EPHA3: variants seen among roughly 807,000 people sequenced by gnomAD.
EPHA3 encodes the protein EPH receptor A3.
EPHA3 carries 42 observed loss-of-function variants against 107.1 expected under a neutral mutation model. That is an observed-to-expected ratio of 0.39 (90% CI 0.31 to 0.51). The LOEUF (loss-of-function observed/expected upper bound fraction) is 0.51, where lower values mean the gene tolerates loss of function less well. Among genes scored for constraint, EPHA3 ranks in the 20% least tolerant of loss-of-function variants. EPHA3 has a pLI of 0.78. For missense variants in EPHA3, 1,183 were observed against 1,211.2 expected (o/e 0.98, Z 0.35); for synonymous variants, 461 against 424.8 (o/e 1.09, Z -1.05).
chr3:89,476,502 T>C (rs1428848298), intron 16 of EPHA3, among the ~76,000 whole-genome samples: 1 of 144,766 alleles, frequency 6.9e-6, no homozygotes, highest in Non-Finnish European at 1.5e-5. Flanking sequence ...AATTACTGCA[T>C]TGGAATATAT....
At chr3:89,311,328 G>T (rs188721370) in intron 3 of EPHA3, among the ~76,000 whole-genome samples, 243 of 152,030 alleles carry the variant, frequency 1.6e-3, no homozygotes, top group Non-Finnish European at 2.4e-3. Context: ...TTGAAGAAAT[G>T]GACTTTTTGG....
intron 1 of EPHA3, among the ~76,000 whole-genome samples, chr3:89,114,286 A>G (rs1707197324): frequency 6.6e-6 from 1 of 152,186 alleles, no homozygotes; most frequent in Non-Finnish European, 1.5e-5. Flanking sequence ...CCGTACGGGT[A>G]GAGACAGTAA....
At chr3:89,475,378 G>C (rs1046196983) in intron 16 of EPHA3, among the ~76,000 whole-genome samples, 3 of 152,084 alleles carry the variant, frequency 2.0e-5, no homozygotes, top group Non-Finnish European at 4.4e-5. Flanking sequence ...AATAGAAAAA[G>C]ATACCTTTAT....
chr3:89,388,486 G>A (rs145414597), intron 5 of EPHA3, among the ~76,000 whole-genome samples: 128 of 152,294 alleles, frequency 8.4e-4, no homozygotes, highest in Non-Finnish European at 1.4e-3. Context: ...AATTATATTA[G>A]CAAAGGATTT....
chr3:89,457,497 T>A (rs1710122560), intron 15 of EPHA3, among the ~76,000 whole-genome samples: 1 of 152,182 alleles, frequency 6.6e-6, no homozygotes, highest in African/African-American at 2.4e-5. Context: ...CATGATAATC[T>A]AATGCCTGAT....
intron 2 of EPHA3, among the ~76,000 whole-genome samples, chr3:89,205,071 G>A (rs1410427506): frequency 6.6e-6 from 1 of 152,062 alleles, no homozygotes; most frequent in Admixed American, 6.5e-5. Context: ...TTAGAAACTG[G>A]TTTTAAGTCT....
chr3:89,129,528 A>G (rs1704158213), intron 2 of EPHA3, among the ~76,000 whole-genome samples: 1 of 152,002 alleles, frequency 6.6e-6, no homozygotes, highest in Admixed American at 6.6e-5. Context: ...TATTTCCTTT[A>G]AATTTCCCAC....
At chr3:89,434,429 T>C (rs1709627695) in intron 13 of EPHA3, among the ~76,000 whole-genome samples, 2 of 152,032 alleles carry the variant, frequency 1.3e-5, no homozygotes, top group African/African-American at 4.8e-5. Flanking sequence ...TGTTGGCCAG[T>C]CTAGTCTCAA....
At chr3:89,322,715 A>T (rs1707072285) in intron 3 of EPHA3, among the ~76,000 whole-genome samples, 1 of 152,136 alleles carries the variant, frequency 6.6e-6, no homozygotes, top group Admixed American at 6.6e-5. Context: ...AGTCAAAGGT[A>T]ATCATTTCAA....
At chr3:89,218,339 G>GTTCTCTCGT (rs1401914675) in intron 3 of EPHA3, among the ~76,000 whole-genome samples, 1 of 132,608 alleles carries the variant, frequency 7.5e-6, no homozygotes, top group Non-Finnish European at 1.5e-5. Flanking sequence ...CCCTTCCTGT[G>GTTCTCTCGT]TCCATGTGTT....
At chr3:89,219,916 G>A (rs2107204002) in intron 3 of EPHA3, among the ~76,000 whole-genome samples, 1 of 149,240 alleles carries the variant, frequency 6.7e-6, no homozygotes, top group African/African-American at 2.5e-5. Context: ...CACCGTTTTA[G>A]CCGGGATGGT....
intron 5 of EPHA3, among the ~76,000 whole-genome samples, chr3:89,392,482 G>A (rs1028889668): frequency 6.7e-6 from 1 of 150,152 alleles, no homozygotes; most frequent in Non-Finnish European, 1.5e-5. Flanking sequence ...TGGCAATTGC[G>A]ATTTTAGCAT....
chr3:89,285,134 T>C (rs915803891), intron 3 of EPHA3, among the ~76,000 whole-genome samples: 2 of 151,852 alleles, frequency 1.3e-5, no homozygotes, highest in Non-Finnish European at 2.9e-5. Context: ...AATAAATAAA[T>C]ACAATAAAAA....
At chr3:89,269,681 G>A (rs1705620427) in intron 3 of EPHA3, among the ~76,000 whole-genome samples, 1 of 149,880 alleles carries the variant, frequency 6.7e-6, no homozygotes, top group Non-Finnish European at 1.5e-5. Context: ...GTATACATGT[G>A]CCATGCTGGT....
intron 16 of EPHA3, 56 bp from the exon 17 acceptor site, chr3:89,479,341 T>G: frequency 1.4e-6 from 2 of 1,393,304 alleles, no homozygotes; most frequent in Non-Finnish European, 2.0e-6. Context: ...ATTGAAAATC[T>G]CCTGCTTATA....
chr3:89,342,629 G>T (rs1442923900), intron 5 of EPHA3, among the ~76,000 whole-genome samples: 1 of 151,780 alleles, frequency 6.6e-6, no homozygotes, highest in Non-Finnish European at 1.5e-5. Flanking sequence ...ACATATAAAT[G>T]GATTATATAT....
chr3:89,187,110 A>G (rs1246089515), intron 2 of EPHA3, among the ~76,000 whole-genome samples: 4 of 151,770 alleles, frequency 2.6e-5, no homozygotes, highest in Non-Finnish European at 5.9e-5. Flanking sequence ...AGTACTACAG[A>G]CTTTAATTTT....
intron 2 of EPHA3, among the ~76,000 whole-genome samples, chr3:89,133,876 T>C (rs1704256348): frequency 6.6e-6 from 1 of 152,100 alleles, no homozygotes; most frequent in African/African-American, 2.4e-5. Context: ...AAGTTTGGCT[T>C]TGGGAAGTGC....
intron 2 of EPHA3, among the ~76,000 whole-genome samples, chr3:89,202,515 CAAAAAAAAAA>C (rs375753577): frequency 5.1e-5 from 6 of 116,896 alleles, no homozygotes; most frequent in Non-Finnish European, 8.4e-5. Flanking sequence ...GACTCTGTCT[CAAAAAAAAAA>C]AAAAAAAAAA....
Sources: gnomAD v4.1 joint callset for allele counts (sites outside exome capture counted in the v4.1 genomes callset) on GRCh38, gnomAD v4.1.1 for gene constraint, MANE v1.5 for transcripts, NCBI Gene and HGNC (gene_info 2026-07-23, HGNC 2026-07-21) for gene names.